Variants in NTN1 observed in about 807,000 individuals in gnomAD.
NTN1 encodes netrin-1.
Under a neutral mutation model 54.2 loss-of-function variants are expected in NTN1, and 11 were observed. The ratio of observed to expected loss-of-function variants is 0.20; its 90% CI spans 0.13 to 0.34. NTN1 has a LOEUF of 0.34. Ranked by LOEUF, NTN1 falls within the 10% of genes least tolerant of loss-of-function variation. NTN1 has a pLI of 1.00. For missense variants in NTN1, 740 were observed against 893.1 expected (o/e 0.83, Z 2.18); for synonymous variants, 371 against 382.0 (o/e 0.97, Z 0.33).
At chr17:9,164,616 A>G (rs1339522375) in intron 3 of NTN1, among the ~76,000 whole-genome samples, 5 of 152,198 alleles carry the variant, frequency 3.3e-5, no homozygotes, top group African/African-American at 1.2e-4. Flanking sequence ...TTCTCAAAAT[A>G]AACAGGTTCC....
intron 2 of NTN1, among the ~76,000 whole-genome samples, chr17:9,161,226 A>G (rs1052552312): frequency 3.9e-5 from 6 of 152,086 alleles, no homozygotes; most frequent in African/African-American, 1.4e-4. Flanking sequence ...CATTGGAACC[A>G]AGACCTGGGG....
chr17:9,134,333 A>G (rs748458440), intron 2 of NTN1, among the ~76,000 whole-genome samples: 48 of 151,976 alleles, frequency 3.2e-4, no homozygotes, highest in Non-Finnish European at 5.4e-4. Flanking sequence ...TTTCTTGCCA[A>G]CCCCTCTTAG....
At chr17:9,028,779 A>G (rs2091879578) in intron 2 of NTN1, among the ~76,000 whole-genome samples, 1 of 152,196 alleles carries the variant, frequency 6.6e-6, no homozygotes, top group Non-Finnish European at 1.5e-5. Context: ...TTTACACTTC[A>G]AATGTCCACT....
intron 2 of NTN1, among the ~76,000 whole-genome samples, chr17:9,071,840 A>G (rs193201540): frequency 2.6e-4 from 39 of 152,350 alleles, no homozygotes; most frequent in Non-Finnish European, 4.4e-4. Flanking sequence ...CAGAATTCCT[A>G]AAGACACTCT....
At chr17:9,168,900 G>A (rs1248779186) in intron 3 of NTN1, among the ~76,000 whole-genome samples, 2 of 152,180 alleles carry the variant, frequency 1.3e-5, no homozygotes, top group Non-Finnish European at 2.9e-5. Context: ...TTAGTGGCTG[G>A]AGCGGCTCCA....
intron 5 of NTN1, among the ~76,000 whole-genome samples, chr17:9,210,337 T>G (rs548264721): frequency 6.6e-6 from 1 of 152,066 alleles, no homozygotes; most frequent in African/African-American, 2.4e-5. Context: ...TATGGCACTG[T>G]CCTCACTCCC....
rs886893302 is a variant in NTN1, at chr17:9,242,937, AGATTTT to A, written c.*2978_*2983del. On this transcript the variant is annotated 3_prime_UTR_variant, in exon 7 of 7. Coordinates refer to ENST00000173229, the MANE Select transcript of NTN1 (RefSeq NM_004822.3). ...TTAGGAAGGGATGTAAAACGGAACT[AGATTTT>A]GATTTTGAAGAGTGTATTAACCAGA... The A allele has an allele frequency of 1.1e-4, 17 of 152,346 alleles. No homozygotes were observed. The highest frequency in any genetic ancestry group is 3.9e-4 in the East Asian group (2 of 5,190). 9.4% of individuals were successfully genotyped at this position (152,346 alleles called of 1,614,324 possible). A position where few individuals can be genotyped will look rare whatever the true frequency, so the allele number is the denominator to read the frequency against.
intron 2 of NTN1, among the ~76,000 whole-genome samples, chr17:9,145,647 T>C (rs776082188): frequency 2.0e-4 from 31 of 152,156 alleles, no homozygotes; most frequent in Non-Finnish European, 2.8e-4. Flanking sequence ...CCAGGCACGG[T>C]GGCTCACACC....
At chr17:9,037,691 G>T (rs1490493273) in intron 2 of NTN1, among the ~76,000 whole-genome samples, 1 of 152,098 alleles carries the variant, frequency 6.6e-6, no homozygotes, top group East Asian at 1.9e-4. Context: ...AATTTTTGCT[G>T]TCACCTTAGC....
At chr17:9,132,325 A>G (rs185749250) in intron 2 of NTN1, among the ~76,000 whole-genome samples, 3 of 152,316 alleles carry the variant, frequency 2.0e-5, no homozygotes, top group Non-Finnish European at 2.9e-5. Flanking sequence ...TCCGCCTGCC[A>G]GGAATGTCCT....
intron 2 of NTN1, among the ~76,000 whole-genome samples, chr17:9,048,135 A>G (rs1173141309): frequency 6.6e-6 from 1 of 152,224 alleles, no homozygotes; most frequent in East Asian, 1.9e-4. Context: ...AATAAAGCCA[A>G]TAAAAACAAT....
At chr17:9,038,621 A>T (rs369653192) in intron 2 of NTN1, among the ~76,000 whole-genome samples, 8 of 152,096 alleles carry the variant, frequency 5.3e-5, no homozygotes, top group African/African-American at 1.7e-4. Context: ...TTCCAGGTCT[A>T]ATAATCAGTC....
intron 2 of NTN1, among the ~76,000 whole-genome samples, chr17:9,064,451 T>C (rs2092008523): frequency 6.6e-6 from 1 of 152,196 alleles, no homozygotes; most frequent in Non-Finnish European, 1.5e-5. Context: ...CACTTCTGCG[T>C]CGATGCCTCA....
chr17:9,003,759 G>A, the NTN1 span, among the ~76,000 whole-genome samples: 1 of 152,224 alleles, frequency 6.6e-6, no homozygotes. The surrounding 1 kb of genome is among the most constrained non-coding windows in gnomAD (Gnocchi z 7.4). Context: ...ATGGTCAGCG[G>A]GCTGGATAAT....
intron 2 of NTN1, among the ~76,000 whole-genome samples, chr17:9,139,517 C>CT (rs2092291183): frequency 1.3e-5 from 2 of 152,176 alleles, no homozygotes; most frequent in South Asian, 4.1e-4. Flanking sequence ...ACGCTGCCCT[C>CT]TCAGGCTCCA....
intron 2 of NTN1, among the ~76,000 whole-genome samples, chr17:9,130,200 T>C (rs1161693015): frequency 6.6e-6 from 1 of 152,064 alleles, no homozygotes; most frequent in East Asian, 1.9e-4. Context: ...CTGAGGCAGA[T>C]GGTGAAGGGA....
At chr17:9,143,115 T>G (rs1195967468) in intron 2 of NTN1, among the ~76,000 whole-genome samples, 1 of 152,184 alleles carries the variant, frequency 6.6e-6, no homozygotes, top group Non-Finnish European at 1.5e-5. Context: ...GGTCATGGTT[T>G]TCTGAAAGTA....
At chr17:9,058,828 T>G (rs1427719236) in intron 2 of NTN1, among the ~76,000 whole-genome samples, 1 of 152,002 alleles carries the variant, frequency 6.6e-6, no homozygotes, top group African/African-American at 2.4e-5. Context: ...AATTTGTCTT[T>G]AAGGAGTTGA....
intron 2 of NTN1, among the ~76,000 whole-genome samples, chr17:9,035,797 G>A (rs1037650173): frequency 9.2e-5 from 14 of 152,098 alleles, no homozygotes; most frequent in Admixed American, 3.3e-4. Context: ...TGAGGCAGGT[G>A]GATCACTTGA....
Sources: allele counts gnomAD v4.1 joint callset (sites outside exome capture counted in the v4.1 genomes callset), GRCh38; gene constraint gnomAD v4.1.1; non-coding constraint Gnocchi (gnomAD v3.1); transcripts MANE v1.5; gene names NCBI Gene and HGNC (gene_info 2026-07-23, HGNC 2026-07-21).